Variants in CRYBG1 observed in about 807,000 individuals in gnomAD.
The protein encoded by CRYBG1 is crystallin beta-gamma domain containing 1.
A neutral mutation model predicts 189.2 loss-of-function variants in CRYBG1; 139 were observed. The observed-to-expected ratio is 0.73, with a 90% CI of 0.64 to 0.85. The LOEUF is 0.85. CRYBG1 is among the 40% of genes least tolerant of loss of function. CRYBG1 has a pLI of 0.00. For synonymous variants in CRYBG1, 1,023 were observed against 1,017.1 expected, an observed-to-expected ratio of 1.01 and a Z score of -0.11; for missense variants, 2,611 against 2,675.8, an observed-to-expected ratio of 0.98 and a Z score of 0.53.
chr6:106,471,417 G>C (rs1772230536), intron 2 of CRYBG1, among the ~76,000 whole-genome samples: 1 of 152,172 alleles, frequency 6.6e-6, no homozygotes, highest in South Asian at 2.1e-4. Flanking sequence ...AGAGGCAGCT[G>C]CCTAGTCTGC....
intron 1 of CRYBG1, among the ~76,000 whole-genome samples, chr6:106,362,123 C>T (rs1232252682): frequency 9.8e-6 from 1 of 101,794 alleles, no homozygotes; most frequent in Non-Finnish European, 2.0e-5. Context: ...GCGCCCGCCA[C>T]CACGCCCGGC....
chr6:106,531,142 A>G (rs1327554417), intron 8 of CRYBG1, among the ~76,000 whole-genome samples: 2 of 152,242 alleles, frequency 1.3e-5, no homozygotes, highest in Admixed American at 1.3e-4. Flanking sequence ...TGCAGTGAAC[A>G]ATAAGGCACT....
chr6:106,447,047 T>C (rs563042328), intron 1 of CRYBG1, among the ~76,000 whole-genome samples: 1 of 152,350 alleles, frequency 6.6e-6, no homozygotes, highest in South Asian at 2.1e-4. Flanking sequence ...TCTGGCAGTA[T>C]AACATCTGTG....
Position 106,360,742 on chromosome 6 carries a change from C to T in CRYBG1, c.-167C>T. The T allele has an allele frequency of 1.4e-6, 1 of 725,622 alleles. No homozygotes were observed. Among genetic ancestry groups the T allele is most frequent in the South Asian group, 2.1e-5 (1 of 48,694 alleles). 44.9% of individuals were successfully genotyped at this position (725,622 alleles called of 1,614,324 possible). On this transcript the variant is annotated 5_prime_UTR_variant, in exon 1 of 22. Coordinates refer to ENST00000633556, the MANE Select transcript of CRYBG1 (RefSeq NM_001371242.2). ...AGTGCTGCTCGCGCTGCGCTGGGTGCTGGTTCTGCAACCCGCGGCCGTCCC... is the reference window on the plus strand; with the variant it reads ...AGTGCTGCTCGCGCTGCGCTGGGTGTTGGTTCTGCAACCCGCGGCCGTCCC...
intron 18 of CRYBG1, among the ~76,000 whole-genome samples, chr6:106,559,792 G>T (rs1197327540): frequency 1.3e-5 from 2 of 150,076 alleles, no homozygotes; most frequent in Non-Finnish European, 1.5e-5. Flanking sequence ...ATCTAAAAAA[G>T]AAAATAAAAA....
In CRYBG1 at chr6:106,422,344, A is replaced by ATTTATTTATTTATTTTTTT. The variant is rs57640822; in HGVS notation, c.174-29347_174-29346insATTTATTTATTTTTTTTTT. Among the ~76,000 whole-genome samples the ATTTATTTATTTATTTTTTT allele has an allele frequency of 5.4e-4, 76 of 139,988 alleles. 1 individual carries two copies. The highest frequency in any genetic ancestry group is 8.6e-4 in the Non-Finnish European group (56 of 65,028). The allele number at this position is 139,988 out of a possible 152,430, so 91.8% of individuals were successfully genotyped here. A position where few individuals can be genotyped will look rare whatever the true frequency, so the allele number is the denominator to read the frequency against. On this transcript the variant is annotated intron_variant, in intron 1 of 21. Transcript: ENST00000633556. ...TTGTTATTTATTTATTTATTTATTT[A>ATTTATTTATTTATTTTTTT]TTTTTGAGACATGGTCTCACTTGGT... is the stretch of plus-strand genomic sequence containing the variant.
chr6:106,568,434 T>C (rs1774955458), intron 21 of CRYBG1, 38 bp from the exon 22 acceptor site: 3 of 1,507,944 alleles, frequency 2.0e-6, no homozygotes, highest in Non-Finnish European at 2.8e-6. Context: ...CCCTTCACCA[T>C]GGGTACATTC....
intron 1 of CRYBG1, among the ~76,000 whole-genome samples, chr6:106,368,730 C>G (rs1054381252): frequency 4.6e-5 from 7 of 152,070 alleles, no homozygotes; most frequent in Non-Finnish European, 1.0e-4. Context: ...GGAAGAGAAG[C>G]AATGACCCCT....
chr6:106,544,549 C>A (rs748530446), intron 11 of CRYBG1, 22 bp from the exon 12 acceptor site: 3 of 1,609,884 alleles, frequency 1.9e-6, no homozygotes, highest in South Asian at 1.1e-5. Flanking sequence ...AATGACTACT[C>A]CTCGTGTTCT....
At position 106,539,459 on chromosome 6, in the gene CRYBG1, G is replaced by A; in HGVS notation, c.4775G>A (p.Gly1592Asp). The A allele has an allele frequency of 6.2e-7, 1 of 1,613,954 alleles. No individual in the cohort carries two copies. The highest frequency in any genetic ancestry group is 1.1e-5 in the South Asian group (1 of 91,066). Residue 1592 changes from glycine (G) to aspartate (D), a missense_variant, in exon 9 of 22, where the codon GGT becomes GAT. Around this residue, in one of 3 missense-constraint regions of CRYBG1, gnomAD observed 1,622 missense variants for 1,735.0 expected, o/e 0.93. Transcript: ENST00000633556. ...GGTGTTCCTTTCATCCTGGAACCTG[G>A]TGAATACCCTGACTTGTCCTTCTGG... is the stretch of plus-strand genomic sequence containing the variant. ...FQGVPFILEP[G>D]EYPDLSFWDT...
Position 106,520,789 on chromosome 6 carries a change from C to T in CRYBG1, c.3581C>T (p.Ala1194Val). The T allele has an allele frequency of 6.2e-7, 1 of 1,614,164 alleles. No individual in the cohort carries two copies. Among genetic ancestry groups the T allele is most frequent in the Non-Finnish European group, 8.5e-7 (1 of 1,180,042 alleles). ...AAACTGAGACCCAAACGTGCATCTG[C>T]TGAACAGAGCGTCCTCTTCAAGTCC... Reference protein sequence around the residue: ...KSKLRPKRASAEQSVLFKSLH... With the variant: ...KSKLRPKRASVEQSVLFKSLH... The change falls in exon 4 of 22, where the codon GCT (alanine) becomes GTT (valine). Residue 1194 changes from alanine to valine, a missense_variant. Ala to Val is a moderately conservative substitution (Grantham distance 64). Around this residue, in one of 3 missense-constraint regions of CRYBG1, gnomAD observed 1,622 missense variants for 1,735.0 expected, o/e 0.93. Coordinates refer to ENST00000633556, the MANE Select transcript of CRYBG1 (RefSeq NM_001371242.2).
chr6:106,531,443 C>A (rs967941460), intron 8 of CRYBG1, among the ~76,000 whole-genome samples: 4 of 152,106 alleles, frequency 2.6e-5, no homozygotes, highest in Non-Finnish European at 5.9e-5. Context: ...CCAGGAAAAA[C>A]CAGTAGAAAT....
chr6:106,467,689 A>T (rs1562315106), intron 2 of CRYBG1, among the ~76,000 whole-genome samples: 1 of 152,034 alleles, frequency 6.6e-6, no homozygotes, highest in African/African-American at 2.4e-5. Context: ...TAGAAAGAGA[A>T]GAATTTCTAA....
intron 1 of CRYBG1, 67 bp downstream of exon 1, chr6:106,361,148 C>T (rs1444864543): frequency 1.4e-6 from 2 of 1,475,194 alleles, no homozygotes; most frequent in African/African-American, 2.8e-5. Context: ...CTGCGCTAGC[C>T]CTTGGACTCC....
chr6:106,483,711 C>T (rs1346665747), intron 2 of CRYBG1, among the ~76,000 whole-genome samples: 1 of 152,040 alleles, frequency 6.6e-6, no homozygotes, highest in Admixed American at 6.6e-5. Flanking sequence ...ATAGCCATTC[C>T]AACTGGAATA....
chr6:106,425,802 C>A (rs1771213673), intron 1 of CRYBG1, among the ~76,000 whole-genome samples: 1 of 152,040 alleles, frequency 6.6e-6, no homozygotes, highest in Non-Finnish European at 1.5e-5. Flanking sequence ...TGGCTACTGG[C>A]TAATTTTTAT....
chr6:106,570,752 T>C lies in CRYBG1; in HGVS notation c.*2186T>C, dbSNP rs1775034626. Reference sequence around the variant, plus strand: ...GCAGCTGGTATTTACACCTGGAAAATCAGATTTTTTTTTCTTTTGCAATAA... The same window carrying C: ...GCAGCTGGTATTTACACCTGGAAAACCAGATTTTTTTTTCTTTTGCAATAA... On this transcript the variant is annotated 3_prime_UTR_variant, in exon 22 of 22. Coordinates refer to ENST00000633556, the MANE Select transcript of CRYBG1 (RefSeq NM_001371242.2). 1 of 152,066 alleles carries C rather than the reference T, an allele frequency of 6.6e-6. No individual in the cohort carries two copies. The highest frequency in any genetic ancestry group is 2.1e-4 in the South Asian group (1 of 4,818). 9.4% of individuals were successfully genotyped at this position (152,066 alleles called of 1,614,324 possible).
Position 106,560,946 on chromosome 6 carries a change from G to A in CRYBG1, c.5979+20G>A. On this transcript the variant is annotated intron_variant, in intron 19 of 21. Transcript: ENST00000633556. ...GTTCAGGTATTTTCTTCCTCTCCAT[G>A]CTCTGCATAGACTCTTCTCTGAAAT... is the stretch of plus-strand genomic sequence containing the variant. 1 of 1,577,616 alleles carries A rather than the reference G, an allele frequency of 6.3e-7. No individual in the cohort carries two copies. Among genetic ancestry groups the A allele is most frequent in the Non-Finnish European group, 8.6e-7 (1 of 1,164,264 alleles).
chr6:106,463,262 CTGTCCTACTT>C (rs1401039207), intron 2 of CRYBG1, among the ~76,000 whole-genome samples: 1 of 151,944 alleles, frequency 6.6e-6, no homozygotes, highest in Non-Finnish European at 1.5e-5. Context: ...ACAACAACTT[CTGTCCTACTT>C]TGTAAAGTGG....
Sources: allele counts gnomAD v4.1 joint callset (sites outside exome capture counted in the v4.1 genomes callset), GRCh38; gene constraint gnomAD v4.1.1; regional missense constraint gnomAD v4.1.1; transcripts MANE v1.5; gene names NCBI Gene and HGNC (gene_info 2026-07-23, HGNC 2026-07-21).